The following SDCCAG8 variants were observed in gnomAD, a reference collection of about 807,000 sequenced individuals.
The protein encoded by SDCCAG8 is serologically defined colon cancer antigen 8.
SDCCAG8 carries 74 observed loss-of-function variants against 101.8 expected under a neutral mutation model. The ratio of observed to expected loss-of-function variants is 0.73; its 90% CI spans 0.60 to 0.88. The LOEUF (loss-of-function observed/expected upper bound fraction) is 0.88, where lower values mean the gene tolerates loss of function less well. Among genes scored for constraint, SDCCAG8 ranks in the 40% least tolerant of loss-of-function variants. The pLI is 0.00. For missense variants in SDCCAG8, 787 were observed against 822.6 expected, an observed-to-expected ratio of 0.96 and a Z score of 0.53; for synonymous variants, 281 against 292.9, an observed-to-expected ratio of 0.96 and a Z score of 0.41.
rs1182214930 is a variant in SDCCAG8 at position 243,344,249 on chromosome 1, C to A, written c.1391C>A (p.Thr464Asn). 6.2e-7 allele frequency: 1 copy of A among 1,613,748 alleles called. No individual in the cohort carries two copies. The highest frequency in any genetic ancestry group is 8.5e-7 in the Non-Finnish European group (1 of 1,179,876). ...GAAATGCGCTATCAGCTGAATAAAA[C>A]CAACATGGAGAAGGATGAGGCAGAA... ...CGEMRYQLNK[T>N]NMEKDEAEKE... The change falls in exon 12 of 18, where the codon ACC becomes AAC. Residue 464 changes from threonine to asparagine, a missense_variant. Thr to Asn is a moderately conservative substitution (Grantham distance 65, BLOSUM62 0). Coordinates refer to ENST00000366541, the MANE Select transcript of SDCCAG8 (RefSeq NM_006642.5).
intron 16 of SDCCAG8, 88 bp from the exon 17 acceptor site, chr1:243,488,926 A>C (rs1366578192): frequency 3.8e-6 from 6 of 1,595,686 alleles, no homozygotes; most frequent in Non-Finnish European, 5.1e-6. Context: ...GTTCCCTATC[A>C]GGGGCTTCCC....
chr1:243,335,392 G>A (rs779147864), intron 10 of SDCCAG8, among the ~76,000 whole-genome samples: 7 of 152,126 alleles, frequency 4.6e-5, no homozygotes, highest in Admixed American at 1.3e-4. Context: ...TATTGTTCAC[G>A]CCTAGGAAAT....
chr1:243,301,018 CTA>C (rs1479092979), intron 6 of SDCCAG8, among the ~76,000 whole-genome samples: 1 of 152,006 alleles, frequency 6.6e-6, no homozygotes, highest in African/African-American at 2.4e-5. Flanking sequence ...AGGTAATAGT[CTA>C]TTTTATCATC....
chr1:243,426,476 T>C lies in SDCCAG8; in HGVS notation c.1903T>C (p.Leu635=), dbSNP rs781144270. Residue 635 remains leucine (L), a synonymous_variant, in exon 16 of 18, where the codon TTG becomes CTG. Transcript: ENST00000366541. ...AGAAAAAAGGTATACATATGATAAATTGGGAAAGTTACAGAGAAGAAATGA... is the reference window on the plus strand; with the variant it reads ...AGAAAAAAGGTATACATATGATAAACTGGGAAAGTTACAGAGAAGAAATGA... ...SQEKRYTYDK[L]GKLQRRNEEL... is the part of the protein sequence containing the mutation. 7 of 1,613,846 alleles carry C rather than the reference T, an allele frequency of 4.3e-6. No homozygotes were observed. Among genetic ancestry groups the C allele is most frequent in the Non-Finnish European group, 5.1e-6 (6 of 1,179,838 alleles).
At chr1:243,425,303 C>T (rs1473800132) in intron 15 of SDCCAG8, among the ~76,000 whole-genome samples, 1 of 152,122 alleles carries the variant, frequency 6.6e-6, no homozygotes. Flanking sequence ...AGGTATCAAT[C>T]AGGGCAAGCT....
intron 17 of SDCCAG8, among the ~76,000 whole-genome samples, chr1:243,496,710 G>C (rs1668004729): frequency 1.3e-5 from 2 of 152,212 alleles, no homozygotes; most frequent in South Asian, 2.1e-4. Context: ...AGCAGCAAAG[G>C]CTGGCTGGAC....
intron 9 of SDCCAG8, among the ~76,000 whole-genome samples, chr1:243,327,834 A>G (rs894376961): frequency 1.3e-5 from 2 of 152,186 alleles, no homozygotes; most frequent in Non-Finnish European, 2.9e-5. Flanking sequence ...TGTTTTCTTC[A>G]CTGTGACCGG....
chr1:243,373,846 A>T (rs2077442028), intron 12 of SDCCAG8, among the ~76,000 whole-genome samples: 1 of 152,056 alleles, frequency 6.6e-6, no homozygotes, highest in African/African-American at 2.4e-5. Context: ...AACTTATTAA[A>T]CCCACACGTT....
chr1:243,296,822 C>G (rs1471826551), intron 6 of SDCCAG8, among the ~76,000 whole-genome samples: 3 of 151,568 alleles, frequency 2.0e-5, no homozygotes, highest in Non-Finnish European at 4.4e-5. Flanking sequence ...CGTGAGCCAC[C>G]GCGCCCGGCC....
chr1:243,319,756 G>A (rs192303768), intron 9 of SDCCAG8, among the ~76,000 whole-genome samples: 67 of 152,050 alleles, frequency 4.4e-4, no homozygotes, highest in African/African-American at 1.5e-3. Flanking sequence ...TTTCCATGTT[G>A]CTGATACACA....
chr1:243,363,743 A>G (rs2076846906), intron 12 of SDCCAG8, among the ~76,000 whole-genome samples: 1 of 152,166 alleles, frequency 6.6e-6, no homozygotes, highest in Non-Finnish European at 1.5e-5. Flanking sequence ...TCTAATTATC[A>G]CAGCATATAA....
At chr1:243,388,668 C>T (rs1195231661) in intron 13 of SDCCAG8, among the ~76,000 whole-genome samples, 1 of 147,158 alleles carries the variant, frequency 6.8e-6, no homozygotes, top group Non-Finnish European at 1.5e-5. Flanking sequence ...CAAGACCAGT[C>T]TGAGCAACAT....
chr1:243,337,126 T>G (rs1050593384), intron 10 of SDCCAG8, among the ~76,000 whole-genome samples: 1 of 152,132 alleles, frequency 6.6e-6, no homozygotes, highest in African/African-American at 2.4e-5. Flanking sequence ...TCAGCTAGGA[T>G]TTTTATAGTT....
chr1:243,303,940 G>A (rs1490556970), intron 6 of SDCCAG8, among the ~76,000 whole-genome samples: 1 of 152,094 alleles, frequency 6.6e-6, no homozygotes, highest in Non-Finnish European at 1.5e-5. Flanking sequence ...GGGCGTGGTG[G>A]CACATGCCTG....
intron 16 of SDCCAG8, among the ~76,000 whole-genome samples, chr1:243,485,054 A>G (rs9428574): frequency 1.3e-4 from 19 of 149,480 alleles, no homozygotes; most frequent in African/African-American, 1.8e-4. Context: ...AAAAAAAAAA[A>G]AAGAAGAAGA....
intron 13 of SDCCAG8, among the ~76,000 whole-genome samples, chr1:243,386,121 G>A (rs542652020): frequency 6.6e-6 from 1 of 152,308 alleles, no homozygotes; most frequent in East Asian, 1.9e-4. Context: ...CAAGCTGAGA[G>A]CTTCTCATAT....
chr1:243,455,901 T>A (rs2083705843), intron 16 of SDCCAG8, among the ~76,000 whole-genome samples: 1 of 152,212 alleles, frequency 6.6e-6, no homozygotes, highest in Admixed American at 6.5e-5. Context: ...AACAAATTAT[T>A]TTCTCATTTG....
chr1:243,403,797 G>C (rs1262889826), intron 13 of SDCCAG8, among the ~76,000 whole-genome samples: 2 of 152,252 alleles, frequency 1.3e-5, no homozygotes, highest in East Asian at 1.9e-4. Context: ...CAGGCTCAAG[G>C]CTCCCACTGA....
chr1:243,288,878 G>A (rs916987763), intron 5 of SDCCAG8, among the ~76,000 whole-genome samples: 1 of 151,806 alleles, frequency 6.6e-6, no homozygotes, highest in East Asian at 1.9e-4. Flanking sequence ...GTGGTGGTGG[G>A]CACCTGTAGT....
Sources: gnomAD v4.1 joint callset for allele counts (sites outside exome capture counted in the v4.1 genomes callset) on GRCh38, gnomAD v4.1.1 for gene constraint, MANE v1.5 for transcripts, NCBI Gene and HGNC (gene_info 2026-07-23, HGNC 2026-07-21) for gene names.